The following ARHGEF26 variants were observed in gnomAD, a reference collection of about 807,000 sequenced individuals.
ARHGEF26 encodes Rho guanine nucleotide exchange factor (GEF) 26.
A neutral mutation model predicts 89.4 loss-of-function variants in ARHGEF26; 59 were observed. That is an observed-to-expected ratio of 0.66 (90% CI 0.54 to 0.82). ARHGEF26 has a LOEUF of 0.82. ARHGEF26 is among the 40% of genes least tolerant of loss of function. The pLI is 0.00. For missense variants in ARHGEF26, 1,234 were observed against 1,085.6 expected, an observed-to-expected ratio of 1.14 and a Z score of -1.92; for synonymous variants, 500 against 428.4, an observed-to-expected ratio of 1.17 and a Z score of -2.06.
At chr3:154,127,055 C>T (rs369387810) in intron 3 of ARHGEF26, among the ~76,000 whole-genome samples, 2 of 152,114 alleles carry the variant, frequency 1.3e-5, no homozygotes, top group African/African-American at 2.4e-5. Context: ...AGGACTCTTA[C>T]CGTGAATGGA....
intron 2 of ARHGEF26, among the ~76,000 whole-genome samples, chr3:154,124,112 G>GT (rs1357347063): frequency 2.0e-5 from 3 of 152,162 alleles, no homozygotes; most frequent in African/African-American, 7.2e-5. Flanking sequence ...ATTTAACAGT[G>GT]ATGGTGAATC....
intron 8 of ARHGEF26, among the ~76,000 whole-genome samples, chr3:154,193,595 AGT>A (rs1040844059): frequency 1.3e-5 from 2 of 152,188 alleles, no homozygotes; most frequent in African/African-American, 4.8e-5. Context: ...TATTTAAAAT[AGT>A]GTCTCTTCAA....
intron 6 of ARHGEF26, among the ~76,000 whole-genome samples, chr3:154,174,855 T>C (rs1488606195): frequency 6.6e-6 from 1 of 152,090 alleles, no homozygotes; most frequent in Non-Finnish European, 1.5e-5. Flanking sequence ...GTTAAGAAAT[T>C]TGAGTTGGCT....
intron 6 of ARHGEF26, among the ~76,000 whole-genome samples, chr3:154,185,118 C>A (rs1713441415): frequency 6.6e-6 from 1 of 152,124 alleles, no homozygotes; most frequent in South Asian, 2.1e-4. Flanking sequence ...TCTTTGTAGG[C>A]CTCTTTGGTT....
chr3:154,133,763 G>A (rs1007530551), intron 4 of ARHGEF26, among the ~76,000 whole-genome samples: 14 of 152,086 alleles, frequency 9.2e-5, no homozygotes, highest in African/African-American at 3.4e-4. Context: ...AGTAGGAATA[G>A]GATTGAATCT....
intron 3 of ARHGEF26, among the ~76,000 whole-genome samples, chr3:154,125,102 C>G (rs1057130522): frequency 1.3e-5 from 2 of 152,078 alleles, no homozygotes; most frequent in African/African-American, 4.8e-5. Context: ...CCAGCTGTAG[C>G]ACTTGTTGGG....
intron 6 of ARHGEF26, among the ~76,000 whole-genome samples, chr3:154,155,626 T>G (rs555392200): frequency 4.6e-5 from 7 of 152,162 alleles, no homozygotes; most frequent in Admixed American, 2.0e-4. Context: ...TAGTTATTAT[T>G]TTAGTTATCT....
intron 12 of ARHGEF26, among the ~76,000 whole-genome samples, chr3:154,252,206 A>G (rs1043675907): frequency 6.6e-6 from 1 of 152,170 alleles, no homozygotes; most frequent in African/African-American, 2.4e-5. Context: ...GGCACAGTAG[A>G]AACTGACTTT....
chr3:154,121,025 G>C (rs937301482), upstream of ARHGEF26: 1 of 152,186 alleles, frequency 6.6e-6, no homozygotes, highest in African/African-American at 2.4e-5. Flanking sequence ...TACTGCCCAC[G>C]CATCTCACAA....
chr3:154,245,090 C>T (rs993785584), intron 12 of ARHGEF26, among the ~76,000 whole-genome samples: 2 of 152,200 alleles, frequency 1.3e-5, no homozygotes, highest in Non-Finnish European at 2.9e-5. Flanking sequence ...TGCAGTGGCA[C>T]GATCTCGGCT....
At chr3:154,196,860 T>C (rs1714323154) in intron 9 of ARHGEF26, among the ~76,000 whole-genome samples, 1 of 152,008 alleles carries the variant, frequency 6.6e-6, no homozygotes, top group East Asian at 1.9e-4. Flanking sequence ...TTTTGACAAA[T>C]TTTGCCTGGT....
At chr3:154,188,997 G>T (rs1013781890) in intron 7 of ARHGEF26, among the ~76,000 whole-genome samples, 1 of 152,094 alleles carries the variant, frequency 6.6e-6, no homozygotes, top group African/African-American at 2.4e-5. Context: ...TCTGCTAGAT[G>T]CCAAAAATCT....
chr3:154,124,372 C>CTTTTTTTTTTTTTTTTCTTTT, intron 2 of ARHGEF26, 38 bp from the exon 3 acceptor site: 1 of 1,007,768 alleles, frequency 9.9e-7, no homozygotes, highest in East Asian at 3.4e-5. Context: ...TTTGCTTTTC[C>CTTTTTTTTTTTTTTTTCTTTT]TTTTTTTTTT....
chr3:154,188,276 A>G (rs1210503741), intron 7 of ARHGEF26, among the ~76,000 whole-genome samples: 2 of 152,204 alleles, frequency 1.3e-5, no homozygotes, highest in Non-Finnish European at 2.9e-5. Flanking sequence ...ACGATAATAA[A>G]TTGTTCATAA....
At chr3:154,175,822 A>G (rs1712785681) in intron 6 of ARHGEF26, among the ~76,000 whole-genome samples, 1 of 152,214 alleles carries the variant, frequency 6.6e-6, no homozygotes, top group Non-Finnish European at 1.5e-5. Context: ...CATAGCTGTA[A>G]TAAGTTCTAA....
At chr3:154,198,573 T>C (rs1714428348) in intron 9 of ARHGEF26, among the ~76,000 whole-genome samples, 1 of 152,194 alleles carries the variant, frequency 6.6e-6, no homozygotes, top group East Asian at 1.9e-4. Flanking sequence ...TAATGGCATT[T>C]GCAGCAACTT....
At chr3:154,199,352 A>G (rs1714486665) in intron 9 of ARHGEF26, among the ~76,000 whole-genome samples, 1 of 152,098 alleles carries the variant, frequency 6.6e-6, no homozygotes, top group South Asian at 2.1e-4. Flanking sequence ...CATTTAACAT[A>G]ATGACCTCCA....
rs903989001 is a variant in ARHGEF26 at position 154,122,599 on chromosome 3, T to C, written c.607T>C (p.Phe203Leu). The C allele has an allele frequency of 1.2e-6, 2 of 1,613,676 alleles. No homozygotes were observed. The highest frequency in any genetic ancestry group is 1.7e-5 in the Admixed American group (1 of 60,024). Residue 203 changes from phenylalanine (F) to leucine (L), a missense_variant, in exon 2 of 15, where the codon TTT becomes CTT. Transcript: ENST00000465093. The stretch of plus-strand genomic sequence containing the variant: ...GGCAAAGGACCCCGAACGGGGGCTC[T>C]TTCCTGGGCCCCAGAAAAGTTCTTC... ...RKAKDPERGL[F>L]PGPQKSSSEQ...
At chr3:154,211,104 T>C (rs1476412689) in intron 9 of ARHGEF26, among the ~76,000 whole-genome samples, 1 of 151,876 alleles carries the variant, frequency 6.6e-6, no homozygotes, top group East Asian at 2.0e-4. Flanking sequence ...GGAAGGGGTC[T>C]CTTTTGGAGC....
Sources: gnomAD v4.1 joint callset for allele counts (sites outside exome capture counted in the v4.1 genomes callset) on GRCh38, gnomAD v4.1.1 for gene constraint, MANE v1.5 for transcripts, NCBI Gene and HGNC (gene_info 2026-07-23, HGNC 2026-07-21) for gene names.